Variants in DLGAP2 observed in about 807,000 individuals in gnomAD.
DLGAP2 encodes the protein DLG associated protein 2, also known as disks large-associated protein 2.
In DLGAP2, 26 loss-of-function variants were observed where a neutral mutation model predicts 100.3. The ratio of observed to expected loss-of-function variants is 0.26; its 90% confidence interval spans 0.19 to 0.36. DLGAP2 has a LOEUF of 0.36. DLGAP2 is among the 10% of genes least tolerant of loss of function. DLGAP2 has a pLI of 1.00. For missense variants in DLGAP2, 1,858 were observed against 1,453.2 expected (o/e 1.28, Z -4.53); for synonymous variants, 886 against 630.1 (o/e 1.41, Z -6.08).
rs970561363 is a variant in DLGAP2 at position 1,449,295 on chromosome 8, G to A, written c.107-52071G>A. 2.6e-5 allele frequency among the ~76,000 whole-genome samples: 4 copies of A among 152,152 alleles called. 1 individual carries two copies. The highest frequency in any genetic ancestry group is 9.7e-5 in the African/African-American group (4 of 41,440). On this transcript the variant is annotated intron_variant, in intron 3 of 14. Transcript: ENST00000637795. ...GGGGTAATTGTTCTGAGACAGGGTC[G>A]GGCCATGATGGACTAAAGAGTGAAG...
intron 3 of DLGAP2, among the ~76,000 whole-genome samples, chr8:1,433,156 A>C (rs558243794): frequency 3.3e-4 from 50 of 152,324 alleles, no homozygotes; most frequent in African/African-American, 1.2e-3. Flanking sequence ...CCATGAGCCC[A>C]AAGCCCCTCC....
chr8:1,226,789 G>T (rs562645987), intron 2 of DLGAP2, among the ~76,000 whole-genome samples: 144 of 152,064 alleles, frequency 9.5e-4, no homozygotes, highest in Non-Finnish European at 1.7e-3. Flanking sequence ...GTAATCCTCA[G>T]GGAAATGCAA....
At chr8:834,350 G>A (rs1216440388) in intron 1 of DLGAP2, among the ~76,000 whole-genome samples, 3 of 152,192 alleles carry the variant, frequency 2.0e-5, no homozygotes, top group Admixed American at 6.5e-5. Context: ...CAGACATAAA[G>A]ACAAGCTGAG....
intron 3 of DLGAP2, among the ~76,000 whole-genome samples, chr8:1,270,811 T>G (rs921325370): frequency 7.2e-5 from 11 of 152,122 alleles, no homozygotes; most frequent in Admixed American, 2.6e-4. Context: ...TCTCTGTGTG[T>G]GTGTGTGTCT....
At chr8:1,320,476 C>T (rs1297714077) in intron 3 of DLGAP2, among the ~76,000 whole-genome samples, 1 of 152,138 alleles carries the variant, frequency 6.6e-6, no homozygotes, top group Non-Finnish European at 1.5e-5. Flanking sequence ...GCTGGGAAGG[C>T]ATCAGGAGCC....
chr8:769,472 A>T (rs1259321908), intron 1 of DLGAP2, among the ~76,000 whole-genome samples: 1 of 152,132 alleles, frequency 6.6e-6, no homozygotes, highest in Non-Finnish European at 1.5e-5. Context: ...AGAAAAATGA[A>T]ACAATAGAGA....
chr8:801,914 T>C (rs4735934), intron 1 of DLGAP2, among the ~76,000 whole-genome samples: 16,203 of 80,994 alleles, frequency 0.2, 1,906 homozygotes, highest in Admixed American at 0.38. Context: ...CATAGTGTAA[T>C]AAGTGGCCAT....
At chr8:827,829 G>A (rs959528441) in intron 1 of DLGAP2, among the ~76,000 whole-genome samples, 1 of 152,146 alleles carries the variant, frequency 6.6e-6, no homozygotes. Flanking sequence ...GACCTGCCCC[G>A]ATAATCACGT....
chr8:813,833 A>G (rs549060982), intron 1 of DLGAP2, among the ~76,000 whole-genome samples: 5 of 152,262 alleles, frequency 3.3e-5, no homozygotes, highest in Admixed American at 1.3e-4. Flanking sequence ...CTGTTATCCT[A>G]TGCAACAGCT....
At chr8:1,603,896 C>G (rs79608363) in intron 6 of DLGAP2, among the ~76,000 whole-genome samples, 2 of 152,254 alleles carry the variant, frequency 1.3e-5, no homozygotes, top group East Asian at 3.9e-4. Flanking sequence ...AGATTCCATG[C>G]AAATTACTAA....
At chr8:1,620,126 A>G (rs986212729) in intron 6 of DLGAP2, among the ~76,000 whole-genome samples, 2 of 151,894 alleles carry the variant, frequency 1.3e-5, no homozygotes, top group African/African-American at 4.8e-5. Flanking sequence ...CAAAAGTTCC[A>G]CTCATACTTC....
At chr8:898,102 T>C (rs139364443) in intron 1 of DLGAP2, among the ~76,000 whole-genome samples, 49 of 152,282 alleles carry the variant, frequency 3.2e-4, no homozygotes, top group African/African-American at 1.1e-3. Flanking sequence ...ATGTATCAGG[T>C]CTACGATACC....
chr8:928,812 C>T (rs922228809), intron 2 of DLGAP2, among the ~76,000 whole-genome samples: 7 of 151,946 alleles, frequency 4.6e-5, no homozygotes, highest in East Asian at 1.9e-4. Flanking sequence ...TTTTCTGTTG[C>T]GAAGCCTGAT....
chr8:1,448,528 A>AGGTGT (rs540362033), intron 3 of DLGAP2, among the ~76,000 whole-genome samples: 2 of 152,218 alleles, frequency 1.3e-5, no homozygotes, highest in South Asian at 4.2e-4. Context: ...ATTTTGGAAT[A>AGGTGT]GGTGTGGTGT....
intron 2 of DLGAP2, among the ~76,000 whole-genome samples, chr8:1,120,525 C>G (rs1261241428): frequency 6.6e-6 from 1 of 152,006 alleles, no homozygotes; most frequent in East Asian, 1.9e-4. Flanking sequence ...CCACAGCTAC[C>G]CAGCTGCCCA....
At chr8:1,313,361 C>T (rs1298712495) in intron 3 of DLGAP2, among the ~76,000 whole-genome samples, 1 of 152,146 alleles carries the variant, frequency 6.6e-6, no homozygotes, top group Non-Finnish European at 1.5e-5. Context: ...TCTTCTTCAC[C>T]ACTGGATTCT....
At chr8:1,108,654 G>A (rs1804853887) in intron 2 of DLGAP2, among the ~76,000 whole-genome samples, 1 of 146,802 alleles carries the variant, frequency 6.8e-6, no homozygotes, top group East Asian at 2.1e-4. Context: ...TATGAAGTGT[G>A]CTGGGTCTGT....
chr8:1,553,335 G>A (rs891051061), intron 5 of DLGAP2, among the ~76,000 whole-genome samples: 2 of 152,154 alleles, frequency 1.3e-5, no homozygotes, highest in Non-Finnish European at 2.9e-5. Flanking sequence ...AAGAGGTTCG[G>A]ACCCTACTCT....
chr8:1,267,598 T>TAAAATAAAATAAAATAAA (rs369307454), intron 3 of DLGAP2, among the ~76,000 whole-genome samples: 1 of 43,616 alleles, frequency 2.3e-5, no homozygotes, highest in African/African-American at 1.1e-4. Context: ...TAAGATAAGA[T>TAAAATAAAATAAAATAAA]AAGATAAGAT....
Sources: gnomAD v4.1 joint callset for allele counts (sites outside exome capture counted in the v4.1 genomes callset) on GRCh38, gnomAD v4.1.1 for gene constraint, MANE v1.5 for transcripts, NCBI Gene and HGNC (gene_info 2026-07-23, HGNC 2026-07-21) for gene names.